The following MEGF11 variants were observed in gnomAD, a reference collection of about 807,000 sequenced individuals.
The protein encoded by MEGF11 is multiple EGF like domains 11, also known as multiple epidermal growth factor-like domains protein 11.
Under a neutral mutation model 146.6 loss-of-function variants are expected in MEGF11, and 126 were observed. That is an observed-to-expected ratio of 0.86 (90% CI 0.74 to 1.00). The LOEUF (loss-of-function observed/expected upper bound fraction) is 1.00, where lower values mean the gene tolerates loss of function less well. Ranked by LOEUF, MEGF11 falls within the 50% of genes least tolerant of loss-of-function variation. MEGF11 has a pLI of 0.00. For missense variants in MEGF11, 1,509 were observed against 1,521.2 expected, an observed-to-expected ratio of 0.99 and a Z score of 0.13; for synonymous variants, 532 against 583.4, an observed-to-expected ratio of 0.91 and a Z score of 1.27.
intron 1 of MEGF11, among the ~76,000 whole-genome samples, chr15:66,168,705 T>C (rs575801877): frequency 6.6e-6 from 1 of 152,370 alleles, no homozygotes; most frequent in Non-Finnish European, 1.5e-5. Context: ...CTGGGTTCGG[T>C]GGCTTATGCC....
chr15:66,103,141 G>A (rs1212084807), intron 4 of MEGF11, among the ~76,000 whole-genome samples: 1 of 152,226 alleles, frequency 6.6e-6, no homozygotes, highest in Non-Finnish European at 1.5e-5. Flanking sequence ...CTGGATAGGG[G>A]ATGAGGTGAC....
At chr15:66,079,541 C>CCG (rs1491401229) in intron 5 of MEGF11, among the ~76,000 whole-genome samples, 2 of 144,542 alleles carry the variant, frequency 1.4e-5, no homozygotes, top group Admixed American at 1.4e-4. Flanking sequence ...ATTCACACCC[C>CCG]CCCCCCCAGC....
At chr15:65,992,456 G>GT (rs1555459388) in intron 5 of MEGF11, among the ~76,000 whole-genome samples, 1 of 144,930 alleles carries the variant, frequency 6.9e-6, no homozygotes, top group Admixed American at 6.8e-5. Flanking sequence ...TGTGTGGGGG[G>GT]GGGGGTTAGT....
In MEGF11 at chr15:66,033,100, A is replaced by AAG. The variant is rs1315821272; in HGVS notation, c.395-50613_395-50612insCT. Among the ~76,000 whole-genome samples, 38 of 143,116 alleles carry AAG rather than the reference A, an allele frequency of 2.7e-4. 2 individuals carry two copies. Among genetic ancestry groups the AAG allele is most frequent in the African/African-American group, 9.5e-4 (37 of 38,984 alleles). The allele number at this position is 143,116 out of a possible 152,430, so 93.9% of individuals were successfully genotyped here. ...CATCAAAAAAAAAAAAAAAAAAAAA[A>AAG]AAAAAGAAGCAGAGAAGAAATATCT... On this transcript the variant is annotated intron_variant, in intron 5 of 25. Coordinates refer to ENST00000395614, the MANE Select transcript of MEGF11 (RefSeq NM_001385028.1).
chr15:66,167,034 CAG>C lies in MEGF11; in HGVS notation c.-8-38625_-8-38624del, dbSNP rs567403192. Among the ~76,000 whole-genome samples the C allele has an allele frequency of 6.6e-4, 100 of 152,220 alleles. 1 individual carries two copies. Among genetic ancestry groups the C allele is most frequent in the African/African-American group, 2.2e-3 (93 of 41,542 alleles). ...ATGGCCCTTGAGGTCATAGTTGATG[CAG>C]AGTTCCAAGGGGCATCCTCTCTCCT... On this transcript the variant is annotated intron_variant, in intron 1 of 25. Coordinates refer to ENST00000395614, the MANE Select transcript of MEGF11 (RefSeq NM_001385028.1).
chr15:66,241,458 C>T (rs1469740716), intron 1 of MEGF11, among the ~76,000 whole-genome samples: 1 of 152,238 alleles, frequency 6.6e-6, no homozygotes, highest in Non-Finnish European at 1.5e-5. Flanking sequence ...TCTGTATAGA[C>T]AATGCAAATG....
chr15:66,053,333 G>A (rs1422299772), intron 5 of MEGF11, among the ~76,000 whole-genome samples: 1 of 152,044 alleles, frequency 6.6e-6, no homozygotes, highest in Non-Finnish European at 1.5e-5. Flanking sequence ...GAGGAGATGG[G>A]GACTTAAATA....
intron 1 of MEGF11, among the ~76,000 whole-genome samples, chr15:66,207,278 G>A (rs1046299676): frequency 6.6e-6 from 1 of 152,124 alleles, no homozygotes; most frequent in Non-Finnish European, 1.5e-5. Context: ...AAAAGATAAA[G>A]ACCAACACAG....
intron 1 of MEGF11, among the ~76,000 whole-genome samples, chr15:66,228,658 G>A (rs552507330): frequency 1.3e-5 from 2 of 152,336 alleles, no homozygotes; most frequent in East Asian, 3.9e-4. Flanking sequence ...AGCCAGCAGA[G>A]GGGTTGGGAC....
chr15:66,043,140 T>G (rs333598), intron 5 of MEGF11, among the ~76,000 whole-genome samples: 149,123 of 152,326 alleles, frequency 0.98, 73,074 homozygotes, highest in Middle Eastern at 1. Flanking sequence ...TGTCTTCACA[T>G]ATTGAGAGCT....
chr15:66,015,134 G>A (rs570556641), intron 5 of MEGF11, among the ~76,000 whole-genome samples: 3 of 152,268 alleles, frequency 2.0e-5, no homozygotes, highest in Admixed American at 1.3e-4. Context: ...ACAACAGCAC[G>A]GCACACAGTT....
chr15:66,071,307 C>T (rs76239195), intron 5 of MEGF11, among the ~76,000 whole-genome samples: 15,815 of 152,184 alleles, frequency 0.1, 1,124 homozygotes, highest in Admixed American at 0.2. Context: ...GGAGTCTGCC[C>T]TCCAAGAGTC....
intron 1 of MEGF11, among the ~76,000 whole-genome samples, chr15:66,233,976 G>C (rs1010080771): frequency 4.3e-5 from 4 of 93,230 alleles, no homozygotes; most frequent in African/African-American, 1.7e-4. Flanking sequence ...TTGAGATGGT[G>C]TTTTGCTCTG....
chr15:66,052,228 C>T (rs1567219376), intron 5 of MEGF11, among the ~76,000 whole-genome samples: 1 of 152,120 alleles, frequency 6.6e-6, no homozygotes, highest in African/African-American at 2.4e-5. Flanking sequence ...CATTGCTCTC[C>T]AGGTGGGGCT....
At chr15:66,245,391 G>A (rs2092280295) in intron 1 of MEGF11, among the ~76,000 whole-genome samples, 1 of 152,104 alleles carries the variant, frequency 6.6e-6, no homozygotes, top group Admixed American at 6.5e-5. Flanking sequence ...ACTTTGGGAG[G>A]GCAAGGTGGG....
In MEGF11 at chr15:66,057,120, G is replaced by C. The variant is rs60894456; in HGVS notation, c.394+37282C>G. On this transcript the variant is annotated intron_variant, in intron 5 of 25. Transcript: ENST00000395614. ...CTTCATGGGAGAGAACATCATTTCA[G>C]GGGGTGGTGGGGAGGATGTGTCAGG... Among the ~76,000 whole-genome samples, 231 of 152,324 alleles carry C rather than the reference G, an allele frequency of 1.5e-3. 1 individual carries two copies. The highest frequency in any genetic ancestry group is 5.4e-3 in the African/African-American group (223 of 41,560).
chr15:65,988,084 T>C (rs2081927437), intron 5 of MEGF11, among the ~76,000 whole-genome samples: 1 of 148,192 alleles, frequency 6.7e-6, no homozygotes, highest in African/African-American at 2.5e-5. Flanking sequence ...ATCTGCTCAC[T>C]GCAACTTCTG....
chr15:66,053,264 G>C (rs2084525027), intron 5 of MEGF11, among the ~76,000 whole-genome samples: 1 of 152,174 alleles, frequency 6.6e-6, no homozygotes. Context: ...GCTTAGCATA[G>C]AGCCAGATAT....
At chr15:65,964,195 C>G (rs1327406755) in intron 9 of MEGF11, among the ~76,000 whole-genome samples, 2 of 152,148 alleles carry the variant, frequency 1.3e-5, no homozygotes, top group Non-Finnish European at 2.9e-5. Flanking sequence ...AGCAGTAGCC[C>G]AGAACAGCTC....
Sources: gnomAD v4.1 joint callset for allele counts (sites outside exome capture counted in the v4.1 genomes callset) on GRCh38, gnomAD v4.1.1 for gene constraint, MANE v1.5 for transcripts, NCBI Gene and HGNC (gene_info 2026-07-23, HGNC 2026-07-21) for gene names.